The following FBXL17 variants were observed in gnomAD, a reference collection of about 807,000 sequenced individuals.
The protein encoded by FBXL17 is F-box/LRR-repeat protein 17.
Under a neutral mutation model 66.2 loss-of-function variants are expected in FBXL17, and 22 were observed. The ratio of observed to expected loss-of-function variants is 0.33; its 90% CI spans 0.24 to 0.47. The LOEUF is 0.47. FBXL17 is among the 20% of genes least tolerant of loss of function. The pLI is 1.00. For synonymous variants in FBXL17, 474 were observed against 400.5 expected (o/e 1.18, Z -2.19); for missense variants, 878 against 948.2 (o/e 0.93, Z 0.97).
At chr5:108,077,359 T>C (rs911175148) in intron 6 of FBXL17, among the ~76,000 whole-genome samples, 4 of 152,070 alleles carry the variant, frequency 2.6e-5, no homozygotes, top group African/African-American at 7.2e-5. Context: ...GAGGAAAAAA[T>C]TGTGTTTCAA....
chr5:107,961,659 C>T (rs1455306787), intron 7 of FBXL17, among the ~76,000 whole-genome samples: 4 of 152,050 alleles, frequency 2.6e-5, no homozygotes, highest in Non-Finnish European at 5.9e-5. Context: ...TGAGTCAAAA[C>T]CTGGTAAGAT....
intron 7 of FBXL17, among the ~76,000 whole-genome samples, chr5:107,931,451 G>A (rs1580723225): frequency 6.6e-6 from 1 of 151,888 alleles, no homozygotes; most frequent in East Asian, 1.9e-4. Flanking sequence ...TATAGAGACG[G>A]AGTTTTCCCA....
At chr5:108,234,011 G>T (rs1282607134) in intron 4 of FBXL17, among the ~76,000 whole-genome samples, 1 of 152,082 alleles carries the variant, frequency 6.6e-6, no homozygotes. Flanking sequence ...GGAAATAATA[G>T]GCTTAGAAAA....
chr5:108,298,512 T>G, intron 4 of FBXL17: 1 of 976,396 alleles, frequency 1.0e-6, no homozygotes. Context: ...AAAAATTAAA[T>G]TCCACTAACT....
intron 6 of FBXL17, among the ~76,000 whole-genome samples, chr5:108,153,391 A>G (rs1284044431): frequency 6.6e-6 from 1 of 152,260 alleles, no homozygotes; most frequent in African/African-American, 2.4e-5. Context: ...CTAGCAGGAT[A>G]ACACTGGATA....
chr5:108,125,272 C>T (rs1750653999), intron 6 of FBXL17, among the ~76,000 whole-genome samples: 1 of 151,864 alleles, frequency 6.6e-6, no homozygotes, highest in African/African-American at 2.4e-5. Flanking sequence ...TCATGTACCC[C>T]ATAAATATAT....
chr5:107,927,393 G>A (rs1366634728), intron 7 of FBXL17, among the ~76,000 whole-genome samples: 1 of 152,144 alleles, frequency 6.6e-6, no homozygotes, highest in Non-Finnish European at 1.5e-5. Flanking sequence ...AGAAGTGGAT[G>A]TTGTAGACGG....
At chr5:107,995,851 T>C (rs1276260071) in intron 7 of FBXL17, among the ~76,000 whole-genome samples, 1 of 152,120 alleles carries the variant, frequency 6.6e-6, no homozygotes, top group Non-Finnish European at 1.5e-5. Context: ...TTGAGGACAG[T>C]AAATTTGAAA....
At chr5:108,107,434 T>A (rs1434641171) in intron 6 of FBXL17, among the ~76,000 whole-genome samples, 1 of 152,224 alleles carries the variant, frequency 6.6e-6, no homozygotes, top group Non-Finnish European at 1.5e-5. Flanking sequence ...TTTTAACTGT[T>A]AAGCAAAGTG....
intron 4 of FBXL17, among the ~76,000 whole-genome samples, chr5:108,306,558 T>C (rs1262728005): frequency 2.0e-5 from 3 of 152,088 alleles, no homozygotes; most frequent in Non-Finnish European, 4.4e-5. Flanking sequence ...AGACAAAATA[T>C]TTAAAGTGTT....
intron 2 of FBXL17, among the ~76,000 whole-genome samples, chr5:108,365,605 G>GT (rs1025001156): frequency 6.6e-6 from 1 of 152,034 alleles, no homozygotes; most frequent in African/African-American, 2.4e-5. Context: ...GTGAATAGTT[G>GT]TGGCTAATTA....
intron 7 of FBXL17, among the ~76,000 whole-genome samples, chr5:107,918,341 C>G (rs573828799): frequency 6.6e-6 from 1 of 152,166 alleles, no homozygotes; most frequent in East Asian, 1.9e-4. Context: ...ACTTTAAGGG[C>G]TGGCTGGGAA....
intron 7 of FBXL17, among the ~76,000 whole-genome samples, chr5:107,978,382 C>T (rs1314318803): frequency 6.6e-6 from 1 of 152,074 alleles, no homozygotes; most frequent in African/African-American, 2.4e-5. Flanking sequence ...AATGAAAGGC[C>T]ACAAGGTTAG....
chr5:108,155,108 C>T (rs1487516525), intron 6 of FBXL17, among the ~76,000 whole-genome samples: 1 of 152,110 alleles, frequency 6.6e-6, no homozygotes, highest in African/African-American at 2.4e-5. Context: ...AACTCAAATA[C>T]AATATATATA....
At chr5:108,156,389 T>C (rs182764200) in intron 6 of FBXL17, among the ~76,000 whole-genome samples, 1 of 152,118 alleles carries the variant, frequency 6.6e-6, no homozygotes, top group Non-Finnish European at 1.5e-5. Flanking sequence ...AAAATCAATA[T>C]ATTTGATATC....
At chr5:108,331,899 T>C (rs1760141442) in intron 4 of FBXL17, among the ~76,000 whole-genome samples, 1 of 152,158 alleles carries the variant, frequency 6.6e-6, no homozygotes, top group African/African-American at 2.4e-5. Flanking sequence ...GGGACCAACA[T>C]ATAGATACCA....
chr5:108,259,721 A>C (rs2150124110), intron 4 of FBXL17, among the ~76,000 whole-genome samples: 2 of 152,308 alleles, frequency 1.3e-5, no homozygotes, highest in Middle Eastern at 3.4e-3. Flanking sequence ...AGCAAAAGGA[A>C]GTCCCAAGGC....
At chr5:107,919,547 A>G (rs755443958) in intron 7 of FBXL17, among the ~76,000 whole-genome samples, 4 of 152,126 alleles carry the variant, frequency 2.6e-5, no homozygotes, top group Admixed American at 6.5e-5. Context: ...TTTTACCTCC[A>G]GATCTCAACT....
At chr5:108,189,620 T>C (rs1007754953) in intron 5 of FBXL17, among the ~76,000 whole-genome samples, 9 of 152,142 alleles carry the variant, frequency 5.9e-5, no homozygotes, top group African/African-American at 2.2e-4. Flanking sequence ...ACGATTAGGA[T>C]GGAAATTCTC....
Sources: allele counts gnomAD v4.1 joint callset (sites outside exome capture counted in the v4.1 genomes callset), GRCh38; gene constraint gnomAD v4.1.1; transcripts MANE v1.5; gene names NCBI Gene and HGNC (gene_info 2026-07-23, HGNC 2026-07-21).